KCND2: variants seen among roughly 807,000 people sequenced by gnomAD.
KCND2 encodes potassium voltage-gated channel subfamily D member 2, also known as A-type voltage-gated potassium channel KCND2.
In KCND2, 16 loss-of-function variants were observed where a neutral mutation model predicts 54.4. The ratio of observed to expected loss-of-function variants is 0.29; its 90% CI spans 0.20 to 0.45. KCND2 has a LOEUF of 0.45. Among genes scored for constraint, KCND2 ranks in the 20% least tolerant of loss-of-function variants. The probability of loss-of-function intolerance (pLI) is 1.00; values close to 1 mark genes in which losing one functional copy is unlikely to be tolerated. For synonymous variants in KCND2, 317 were observed against 310.7 expected (o/e 1.02, Z -0.21); for missense variants, 486 against 824.2 (o/e 0.59, Z 5.02).
At chr7:120,544,682 G>C (rs953227735) in intron 1 of KCND2, among the ~76,000 whole-genome samples, 5 of 151,786 alleles carry the variant, frequency 3.3e-5, no homozygotes, top group African/African-American at 7.2e-5. Context: ...AATTCTCATG[G>C]CATATTTTGC....
chr7:120,441,114 T>C (rs1801939540), intron 1 of KCND2, among the ~76,000 whole-genome samples: 1 of 152,048 alleles, frequency 6.6e-6, no homozygotes, highest in Non-Finnish European at 1.5e-5. Context: ...AAAAGATGAC[T>C]AGTTAATGAG....
chr7:120,609,058 G>T (rs139111709), intron 1 of KCND2, among the ~76,000 whole-genome samples: 1 of 151,978 alleles, frequency 6.6e-6, no homozygotes, highest in African/African-American at 2.4e-5. Context: ...TTTTCAGCGG[G>T]TTAATCATCT....
intron 1 of KCND2, among the ~76,000 whole-genome samples, chr7:120,538,303 T>A (rs1189908983): frequency 6.6e-6 from 1 of 152,198 alleles, no homozygotes; most frequent in Non-Finnish European, 1.5e-5. Context: ...ACAGTTACAA[T>A]AGTAACATCA....
intron 1 of KCND2, among the ~76,000 whole-genome samples, chr7:120,638,226 C>T (rs1247964122): frequency 6.6e-6 from 1 of 152,036 alleles, no homozygotes; most frequent in African/African-American, 2.4e-5. Context: ...CTTTGCAATA[C>T]CCAAAACAAA....
chr7:120,461,606 G>T (rs1270532614), intron 1 of KCND2, among the ~76,000 whole-genome samples: 2 of 152,088 alleles, frequency 1.3e-5, no homozygotes, highest in African/African-American at 2.4e-5. Flanking sequence ...TTGAGGTGCT[G>T]TTTGAAATTG....
chr7:120,556,421 GC>G (rs1303380291), intron 1 of KCND2, among the ~76,000 whole-genome samples: 2 of 152,184 alleles, frequency 1.3e-5, no homozygotes, highest in Non-Finnish European at 2.9e-5. Context: ...TCAATAAAGA[GC>G]CTTCTCTCAA....
intron 1 of KCND2, among the ~76,000 whole-genome samples, chr7:120,689,955 C>A (rs1024448858): frequency 5.2e-4 from 79 of 152,304 alleles, no homozygotes; most frequent in Admixed American, 7.8e-4. Context: ...CTCTCAAACC[C>A]ATTTTGCCAG....
At position 120,435,549 on chromosome 7, in the gene KCND2, G is replaced by A. The variant is rs143333298; in HGVS notation, c.1115+159802G>A. ...ATCATCTCATTTTCTAAGGGAAACA[G>A]TATAAAGCAAACTGTAATGATGATT... On this transcript the variant is annotated intron_variant, in intron 1 of 5. Transcript: ENST00000331113. Among the ~76,000 whole-genome samples, 546 of 151,976 alleles carry A rather than the reference G, an allele frequency of 3.6e-3. 2 individuals carry two copies. Among genetic ancestry groups the A allele is most frequent in the Admixed American group, 6.0e-3 (92 of 15,256 alleles).
intron 1 of KCND2, among the ~76,000 whole-genome samples, chr7:120,601,879 G>C (rs962672717): frequency 5.9e-5 from 9 of 152,106 alleles, no homozygotes; most frequent in African/African-American, 1.4e-4. Flanking sequence ...TAATTTATAG[G>C]TTCACCTGCT....
chr7:120,566,294 A>G (rs545779531), intron 1 of KCND2, among the ~76,000 whole-genome samples: 31 of 152,188 alleles, frequency 2.0e-4, no homozygotes, highest in Non-Finnish European at 3.7e-4. Context: ...TACATCTTTT[A>G]AAATATTTGT....
chr7:120,442,789 T>C (rs1801962158), intron 1 of KCND2, among the ~76,000 whole-genome samples: 1 of 152,150 alleles, frequency 6.6e-6, no homozygotes, highest in African/African-American at 2.4e-5. Context: ...GTTGGCATGG[T>C]GTGGCCATCA....
At chr7:120,313,228 G>C (rs1799765725) in intron 1 of KCND2, among the ~76,000 whole-genome samples, 1 of 152,124 alleles carries the variant, frequency 6.6e-6, no homozygotes, top group African/African-American at 2.4e-5. Flanking sequence ...TTGTGGTATG[G>C]AAATTTAGGT....
intron 1 of KCND2, among the ~76,000 whole-genome samples, chr7:120,393,515 C>A (rs1050375699): frequency 2.6e-5 from 4 of 151,924 alleles, no homozygotes; most frequent in African/African-American, 7.2e-5. Context: ...TTTTATGTGA[C>A]GTCTACAATG....
intron 1 of KCND2, among the ~76,000 whole-genome samples, chr7:120,564,381 A>G (rs1309038844): frequency 6.6e-6 from 1 of 152,176 alleles, no homozygotes; most frequent in Non-Finnish European, 1.5e-5. Flanking sequence ...TTCCCTGCAG[A>G]AAACTACAAT....
intron 1 of KCND2, among the ~76,000 whole-genome samples, chr7:120,452,535 G>C (rs1182897189): frequency 6.6e-6 from 1 of 152,158 alleles, no homozygotes. Context: ...TGGGAAACCT[G>C]CACAGGACTA....
intron 1 of KCND2, among the ~76,000 whole-genome samples, chr7:120,465,872 A>T (rs958431818): frequency 3.9e-5 from 6 of 152,204 alleles, no homozygotes; most frequent in African/African-American, 1.2e-4. Flanking sequence ...AATGGGAAGT[A>T]AAGAGAATAG....
At chr7:120,308,392 T>C (rs1202214688) in intron 1 of KCND2, among the ~76,000 whole-genome samples, 1 of 152,142 alleles carries the variant, frequency 6.6e-6, no homozygotes, top group Non-Finnish European at 1.5e-5. Flanking sequence ...TACATTACCA[T>C]TCTTACTGTT....
chr7:120,415,557 C>T (rs948089740), intron 1 of KCND2, among the ~76,000 whole-genome samples: 4 of 152,156 alleles, frequency 2.6e-5, no homozygotes, highest in Non-Finnish European at 5.9e-5. Context: ...TCTCTGCACC[C>T]ATTTTAACAA....
intron 4 of KCND2, among the ~76,000 whole-genome samples, chr7:120,744,941 A>G (rs1051225296): frequency 1.3e-5 from 2 of 152,174 alleles, no homozygotes; most frequent in Non-Finnish European, 2.9e-5. Flanking sequence ...GTTTTTTGTC[A>G]AACATTTTAA....
Sources: allele counts gnomAD v4.1 joint callset (sites outside exome capture counted in the v4.1 genomes callset), GRCh38; gene constraint gnomAD v4.1.1; transcripts MANE v1.5; gene names NCBI Gene and HGNC (gene_info 2026-07-23, HGNC 2026-07-21).